SRD5A2: variants seen among roughly 807,000 people sequenced by gnomAD.
The protein encoded by SRD5A2 is steroid 5 alpha-reductase 2, also known as 3-oxo-5-alpha-steroid 4-dehydrogenase 2.
In SRD5A2, 30 loss-of-function variants were observed where a neutral mutation model predicts 27.4. The observed-to-expected ratio is 1.10, with a 90% CI of 0.82 to 1.49. The LOEUF (loss-of-function observed/expected upper bound fraction) is 1.49. Ranked by LOEUF, SRD5A2 falls within the 40% of genes most tolerant of loss-of-function variation. The probability of loss-of-function intolerance (pLI) is 0.00; values close to 1 mark genes in which losing one functional copy is unlikely to be tolerated. For missense variants in SRD5A2, 348 were observed against 323.4 expected (o/e 1.08, Z -0.58); for synonymous variants, 141 against 133.6 (o/e 1.06, Z -0.38).
chr2:31,645,290 A>G, the SRD5A2 span, among the ~76,000 whole-genome samples: 1 of 152,190 alleles, frequency 6.6e-6, no homozygotes, highest in Non-Finnish European at 1.5e-5. Context: ...AGTTAACTCT[A>G]AAATAACTTA....
At chr2:31,646,061 T>C in the SRD5A2 span, among the ~76,000 whole-genome samples, 1 of 152,134 alleles carries the variant, frequency 6.6e-6, no homozygotes. Context: ...ATTGTATTAA[T>C]GATAATTAGA....
Position 31,522,554 on chromosome 2 carries a change from A to G in SRD5A2, c.*3642T>C. ...CTCAAGCTAAGGTTGATGGGGAGAA[A>G]TGAGGCACAATGCAAATAACACAGA... On this transcript the variant is annotated 3_prime_UTR_variant, in exon 5 of 5. Transcript: ENST00000622030. 5.0e-6 allele frequency: 1 copy of G among 200,554 alleles called. No individual in the cohort carries two copies. Among genetic ancestry groups the G allele is most frequent in the Non-Finnish European group, 1.0e-5 (1 of 97,230 alleles). The allele number at this position is 200,554 out of a possible 1,614,324, so 12.4% of individuals were successfully genotyped here. A position where few individuals can be genotyped will look rare whatever the true frequency, so the allele number is the denominator to read the frequency against.
At chr2:31,533,788 G>A in intron 1 of SRD5A2, 22 bp from the exon 2 acceptor site, 2 of 1,592,516 alleles carry the variant, frequency 1.3e-6, no homozygotes, top group Non-Finnish European at 1.7e-6. Context: ...AGGGAGGAAA[G>A]GTTAGGATTC....
At chr2:31,645,937 G>A in the SRD5A2 span, among the ~76,000 whole-genome samples, 1 of 152,074 alleles carries the variant, frequency 6.6e-6, no homozygotes, top group Non-Finnish European at 1.5e-5. Context: ...GTACCTTCCT[G>A]CATAATGGGA....
At chr2:31,600,260 T>G in the SRD5A2 span, among the ~76,000 whole-genome samples, 1 of 151,982 alleles carries the variant, frequency 6.6e-6, no homozygotes, top group African/African-American at 2.4e-5. Context: ...AATTCCATGT[T>G]TTTTCTATTG....
chr2:31,568,358 G>A (rs1666779689), intron 1 of SRD5A2, among the ~76,000 whole-genome samples: 1 of 152,168 alleles, frequency 6.6e-6, no homozygotes, highest in South Asian at 2.1e-4. Flanking sequence ...CGGGAACAAT[G>A]AGGTACGCAA....
intron 3 of SRD5A2, among the ~76,000 whole-genome samples, chr2:31,530,785 T>C (rs1665889943): frequency 6.6e-6 from 1 of 152,220 alleles, no homozygotes; most frequent in East Asian, 1.9e-4. Flanking sequence ...GTCAATCTCA[T>C]ACCCTGGTTT....
the SRD5A2 span, among the ~76,000 whole-genome samples, chr2:31,637,743 C>T: frequency 6.6e-6 from 1 of 152,046 alleles, no homozygotes; most frequent in South Asian, 2.1e-4. Context: ...ACCAAGAACC[C>T]TCCCAAGCTG....
chr2:31,649,198 C>A, the SRD5A2 span, among the ~76,000 whole-genome samples: 1 of 152,164 alleles, frequency 6.6e-6, no homozygotes, highest in Admixed American at 6.5e-5. Flanking sequence ...ATTCCATTTC[C>A]TTTGGCCTGG....
chr2:31,650,611 C>T, the SRD5A2 span, among the ~76,000 whole-genome samples: 1 of 152,104 alleles, frequency 6.6e-6, no homozygotes, highest in Non-Finnish European at 1.5e-5. Flanking sequence ...TATAAAATTC[C>T]AGGAACTATT....
At chr2:31,638,671 T>G in the SRD5A2 span, among the ~76,000 whole-genome samples, 1 of 152,104 alleles carries the variant, frequency 6.6e-6, no homozygotes, top group South Asian at 2.1e-4. Context: ...TATAACTGGA[T>G]AGTGACTTTT....
the SRD5A2 span, among the ~76,000 whole-genome samples, chr2:31,589,650 C>T: frequency 6.6e-6 from 1 of 152,160 alleles, no homozygotes; most frequent in Non-Finnish European, 1.5e-5. Flanking sequence ...GGGAGGGCAG[C>T]CAGTAGAACT....
chr2:31,650,553 G>C, the SRD5A2 span, among the ~76,000 whole-genome samples: 2 of 152,032 alleles, frequency 1.3e-5, no homozygotes, highest in Non-Finnish European at 2.9e-5. Context: ...CATTATTTTA[G>C]TTCCATAAGC....
intron 1 of SRD5A2, among the ~76,000 whole-genome samples, chr2:31,549,754 G>T (rs1036994208): frequency 1.3e-5 from 2 of 152,008 alleles, no homozygotes; most frequent in East Asian, 3.9e-4. Context: ...AAACCAGAAG[G>T]AAAAATAAAT....
chr2:31,612,750 T>A, the SRD5A2 span, among the ~76,000 whole-genome samples: 1 of 152,194 alleles, frequency 6.6e-6, no homozygotes. Context: ...AGGATCACAC[T>A]GACAGATTTC....
chr2:31,528,411 A>G (rs1333181306), intron 4 of SRD5A2, among the ~76,000 whole-genome samples: 1 of 152,200 alleles, frequency 6.6e-6, no homozygotes, highest in Non-Finnish European at 1.5e-5. Flanking sequence ...TGCCAAAAAT[A>G]GCAGCCACAT....
the SRD5A2 span, among the ~76,000 whole-genome samples, chr2:31,604,135 C>T: frequency 6.6e-6 from 1 of 151,800 alleles, no homozygotes; most frequent in African/African-American, 2.4e-5. Context: ...CATACCTCAA[C>T]ATAACAAAAG....
the SRD5A2 span, among the ~76,000 whole-genome samples, chr2:31,604,761 G>A: frequency 3.2e-4 from 48 of 151,680 alleles, no homozygotes; most frequent in East Asian, 2.1e-3. Context: ...AATGCGATTC[G>A]TGTCAAAATA....
chr2:31,537,045 A>G (rs576872369), intron 1 of SRD5A2, among the ~76,000 whole-genome samples: 5 of 152,348 alleles, frequency 3.3e-5, no homozygotes, highest in Admixed American at 3.3e-4. Flanking sequence ...ACCAAAGAAA[A>G]GAAGCTTTAA....
Sources: gnomAD v4.1 joint callset for allele counts (sites outside exome capture counted in the v4.1 genomes callset) on GRCh38, gnomAD v4.1.1 for gene constraint, MANE v1.5 for transcripts, NCBI Gene and HGNC (gene_info 2026-07-23, HGNC 2026-07-21) for gene names.